The following CASK variants were observed in gnomAD, a reference collection of about 807,000 sequenced individuals.
CASK encodes peripheral plasma membrane protein CASK.
In CASK, 4 loss-of-function variants were observed where a neutral mutation model predicts 82.9. The observed-to-expected ratio is 0.05, with a 90% CI of 0.02 to 0.11. The LOEUF (loss-of-function observed/expected upper bound fraction) is 0.11, where lower values mean the gene tolerates loss of function less well. Ranked by LOEUF, CASK falls within the 10% of genes least tolerant of loss-of-function variation. CASK has a pLI of 1.00. For synonymous variants in CASK, 259 were observed against 253.5 expected (o/e 1.02, Z -0.20); for missense variants, 358 against 720.9 (o/e 0.50, Z 5.76).
chrX:41,527,243 C>CAG lies in CASK; in HGVS notation c.2521-3211_2521-3210dup, dbSNP rs958703156. 1.6e-3 allele frequency among the ~76,000 whole-genome samples: 174 copies of CAG among 105,803 alleles called. 2 individuals carry two copies. Among genetic ancestry groups the CAG allele is most frequent in the Admixed American group, 8.2e-3 (81 of 9,879 alleles). The allele number at this position is 105,803 out of a possible 115,157, so 91.9% of individuals were successfully genotyped here. A position where few individuals can be genotyped will look rare whatever the true frequency, so the allele number is the denominator to read the frequency against. ...AGAGGGGGAGAGGCAGAGAGAGAGA[C>CAG]AGAGAGAGAGAGAGAGTGTGTGTGT... On this transcript the variant is annotated intron_variant, in intron 25 of 26. Coordinates refer to ENST00000378163, the MANE Select transcript of CASK (RefSeq NM_001367721.1).
chrX:41,870,512 AG>A (rs2071688052), intron 1 of CASK, among the ~76,000 whole-genome samples: 6 of 112,455 alleles, frequency 5.3e-5, no homozygotes. Context: ...GATACAGCAA[AG>A]AATGAAGAGT....
At chrX:41,550,456 C>G (rs1169000308) in intron 21 of CASK, among the ~76,000 whole-genome samples, 2 of 111,244 alleles carry the variant, frequency 1.8e-5, no homozygotes, top group African/African-American at 6.5e-5. Flanking sequence ...AAAATGTTAG[C>G]CATTCTAATA....
chrX:41,750,231 T>C (rs1277512243), intron 3 of CASK, among the ~76,000 whole-genome samples: 1 of 112,690 alleles, frequency 8.9e-6, no homozygotes, highest in Non-Finnish European at 1.9e-5. Context: ...AATACTGTTA[T>C]TTATGCAAAT....
chrX:41,875,695 A>T (rs1601930553), intron 1 of CASK, among the ~76,000 whole-genome samples: 1 of 72,790 alleles, frequency 1.4e-5, no homozygotes, highest in East Asian at 3.0e-4. Flanking sequence ...TATAATGATG[A>T]AGAAAAAAAA....
chrX:41,693,969 A>G (rs778827872), intron 5 of CASK, among the ~76,000 whole-genome samples: 2 of 112,141 alleles, frequency 1.8e-5, no homozygotes, highest in East Asian at 2.8e-4. Context: ...TTCTCTGTGT[A>G]TAAGATCAAA....
intron 2 of CASK, among the ~76,000 whole-genome samples, chrX:41,812,218 A>T (rs944564533): frequency 8.9e-6 from 1 of 112,019 alleles, no homozygotes; most frequent in Admixed American, 9.5e-5. Flanking sequence ...AAAAAGAGGA[A>T]ATCCTTCCTA....
intron 5 of CASK, among the ~76,000 whole-genome samples, chrX:41,700,459 T>A (rs1408019623): frequency 9.0e-6 from 1 of 110,706 alleles, no homozygotes; most frequent in Non-Finnish European, 1.9e-5. Flanking sequence ...TATATTCTTA[T>A]CCTTCAGTAA....
rs774663242 is a variant in CASK at position 41,571,375 on chromosome X, A to C, written c.1504-1629T>G. Among the ~76,000 whole-genome samples, 13 of 111,768 alleles carry C rather than the reference A, an allele frequency of 1.2e-4. No individual in the cohort carries two copies. The Admixed American group carries it at 1.2e-3, about 11-fold the overall frequency. ...AGGGCAATTCAGTTTATTCCTTCTT[A>C]AATAAGCTTTAGTAGTTTCTGTCTC... On this transcript the variant is annotated intron_variant, in intron 15 of 26. Transcript: ENST00000378163.
chrX:41,899,972 G>C (rs1372247064), intron 1 of CASK, among the ~76,000 whole-genome samples: 1 of 110,578 alleles, frequency 9.0e-6, no homozygotes, highest in Non-Finnish European at 1.9e-5. Context: ...CCACAGGGAA[G>C]TCTTTATCTC....
chrX:41,626,456 T>A (rs191629680), intron 10 of CASK, 148 bp downstream of exon 10: 65 of 505,855 alleles, frequency 1.3e-4, no homozygotes, highest in African/African-American at 1.2e-3. Context: ...ACAAGACACA[T>A]GTAGACAGGA....
intron 5 of CASK, among the ~76,000 whole-genome samples, chrX:41,700,589 T>A (rs2067774078): frequency 1.0e-5 from 1 of 100,445 alleles, no homozygotes; most frequent in Admixed American, 1.1e-4. Flanking sequence ...CTTTTTTTTT[T>A]TTTTTTTTGA....
intron 12 of CASK, among the ~76,000 whole-genome samples, chrX:41,591,544 G>A (rs887338896): frequency 5.2e-4 from 57 of 108,851 alleles, no homozygotes; most frequent in African/African-American, 1.9e-3. Flanking sequence ...GCTCAATCTC[G>A]GCTCACTGCA....
rs765928169 is a variant in CASK, at chrX:41,849,968, C to T, written c.172+3147G>A. The stretch of plus-strand genomic sequence containing the variant: ...CCGAGGTGGGTAGATCACTTGAGCT[C>T]AGGAGTTTGAGATCAGCCTGAACAA... On this transcript the variant is annotated intron_variant, in intron 2 of 26. Coordinates refer to ENST00000378163, the MANE Select transcript of CASK (RefSeq NM_001367721.1). Among the ~76,000 whole-genome samples the T allele has an allele frequency of 6.3e-5, 7 of 111,889 alleles. No homozygotes were observed. In the East Asian group the frequency reaches 2.0e-3, roughly 31 times the overall value.
At chrX:41,886,114 A>G (rs2072043210) in intron 1 of CASK, among the ~76,000 whole-genome samples, 1 of 111,976 alleles carries the variant, frequency 8.9e-6, no homozygotes, top group Non-Finnish European at 1.9e-5. Context: ...AGTGAATAAC[A>G]TAGGACCCCC....
rs1454696728 is a variant in CASK, at chrX:41,605,035, G to A, written c.1155+4869C>T. 3.6e-5 allele frequency among the ~76,000 whole-genome samples: 4 copies of A among 111,528 alleles called. No individual in the cohort carries two copies. In the Admixed American group the frequency reaches 3.8e-4, roughly 11 times the overall value. On this transcript the variant is annotated intron_variant, in intron 12 of 26. Coordinates refer to ENST00000378163, the MANE Select transcript of CASK (RefSeq NM_001367721.1). Reference sequence around the variant, plus strand: ...TTCTAATAATGCTTCTTCAAATTTTGAGCTTGTTATTATTTTAAGAACATG... The same window carrying A: ...TTCTAATAATGCTTCTTCAAATTTTAAGCTTGTTATTATTTTAAGAACATG...
At position 41,740,081 on chromosome X, in the gene CASK, G is replaced by C. The variant is rs183183610; in HGVS notation, c.357-625C>G. 3.6e-5 allele frequency among the ~76,000 whole-genome samples: 4 copies of C among 112,059 alleles called. No homozygotes were observed. In the East Asian group the frequency reaches 1.1e-3, roughly 32 times the overall value. ...GCTGAGGAGCCCTCATGGAGCACAG[G>C]TGAAGAACAAAGAAGAAATCAGCAT... On this transcript the variant is annotated intron_variant, in intron 4 of 26. Transcript: ENST00000378163.
At chrX:41,788,149 ACT>A (rs921867209) in intron 2 of CASK, among the ~76,000 whole-genome samples, 3 of 95,177 alleles carry the variant, frequency 3.2e-5, no homozygotes, top group Non-Finnish European at 6.3e-5. Flanking sequence ...AAAGAGTGAA[ACT>A]CTGTCTCAAA....
chrX:41,582,126 A>G (rs980140078), intron 14 of CASK, among the ~76,000 whole-genome samples: 2 of 109,838 alleles, frequency 1.8e-5, no homozygotes, highest in African/African-American at 6.6e-5. Flanking sequence ...AGCCTCTACA[A>G]CCTCTCACAA....
intron 2 of CASK, among the ~76,000 whole-genome samples, chrX:41,808,400 C>T (rs760950011): frequency 2.7e-5 from 3 of 111,737 alleles, no homozygotes; most frequent in Non-Finnish European, 5.6e-5. Context: ...AACATGGCAC[C>T]TTTATAATAG....
Sources: allele counts gnomAD v4.1 joint callset (sites outside exome capture counted in the v4.1 genomes callset), GRCh38; gene constraint gnomAD v4.1.1; transcripts MANE v1.5; gene names NCBI Gene and HGNC (gene_info 2026-07-23, HGNC 2026-07-21).